The following USP32 variants were observed in gnomAD, a reference collection of about 807,000 sequenced individuals.
USP32 encodes the protein ubiquitin specific peptidase 32.
In USP32, 59 loss-of-function variants were observed where a neutral mutation model predicts 204.8. That is an observed-to-expected ratio of 0.29 (90% CI 0.23 to 0.36). The LOEUF is 0.36. Among genes scored for constraint, USP32 ranks in the 10% least tolerant of loss-of-function variants. The pLI, the probability that USP32 is intolerant of heterozygous loss-of-function variation, is 1.00. For missense variants in USP32, 1,160 were observed against 1,946.4 expected, an observed-to-expected ratio of 0.60 and a Z score of 7.60; for synonymous variants, 517 against 678.4, an observed-to-expected ratio of 0.76 and a Z score of 3.70.
upstream of USP32, among the ~76,000 whole-genome samples, chr17:60,395,164 C>T (rs544659870): frequency 5.8e-4 from 88 of 152,278 alleles, 1 homozygote; most frequent in Non-Finnish European, 1.0e-3. Flanking sequence ...GACTGAAACA[C>T]GACTGTAGCT....
chr17:60,198,349 C>A lies in USP32; in HGVS notation c.3345G>T (p.Lys1115Asn). The stretch of plus-strand genomic sequence containing the variant: ...TCCAAACCGCATCATATAGGTCTTT[C>A]TTCCGGGTATGCACAGTACATGGAA... ...LIVPCTVHTR[K>N]KDLYDAVWIQ... Residue 1115 changes from lysine to asparagine, a missense_variant, in exon 27 of 34, where the codon AAG becomes AAT. Around this residue, in one of 8 missense-constraint regions of USP32, gnomAD observed 160 missense variants for 322.5 expected, o/e 0.50. Coordinates refer to ENST00000300896, the MANE Select transcript of USP32 (RefSeq NM_032582.4). 1 of 1,614,180 alleles carries A rather than the reference C, an allele frequency of 6.2e-7. No individual in the cohort carries two copies. Among genetic ancestry groups the A allele is most frequent in the South Asian group, 1.1e-5 (1 of 91,080 alleles).
intron 6 of USP32, among the ~76,000 whole-genome samples, chr17:60,270,823 C>CAAAA (rs56653936): frequency 1.6e-5 from 1 of 63,544 alleles, no homozygotes; most frequent in African/African-American, 5.1e-5. Context: ...AACTCTGCCT[C>CAAAA]AAAAAAAAAA....
intron 27 of USP32, among the ~76,000 whole-genome samples, chr17:60,194,190 C>T (rs747494849): frequency 2.0e-5 from 3 of 151,954 alleles, no homozygotes; most frequent in East Asian, 1.9e-4. Context: ...ATTACAGGCA[C>T]GCAACACCAT....
At chr17:60,380,182 G>T (rs544140344) in intron 1 of USP32, among the ~76,000 whole-genome samples, 22 of 152,242 alleles carry the variant, frequency 1.4e-4, no homozygotes, top group African/African-American at 4.8e-4. Flanking sequence ...CCAACACATT[G>T]TACAATACAA....
chr17:60,255,043 T>G, intron 10 of USP32, 132 bp downstream of exon 10: 2 of 602,172 alleles, frequency 3.3e-6, no homozygotes, highest in Non-Finnish European at 5.5e-6. Flanking sequence ...ACGAGTAATG[T>G]AGTTCTTTTT....
chr17:60,321,878 T>A (rs1048985491), intron 2 of USP32, among the ~76,000 whole-genome samples: 1 of 152,144 alleles, frequency 6.6e-6, no homozygotes, highest in Admixed American at 6.5e-5. Flanking sequence ...TGGCTTTTTT[T>A]TTTTTTTAGC....
intron 1 of USP32, among the ~76,000 whole-genome samples, chr17:60,356,537 T>G (rs1022437246): frequency 1.3e-5 from 2 of 152,208 alleles, no homozygotes; most frequent in Non-Finnish European, 2.9e-5. Flanking sequence ...GTTCAAGGCA[T>G]TTTTAAAAGT....
chr17:60,264,248 AGTG>A (rs1276774184), intron 9 of USP32, among the ~76,000 whole-genome samples: 1 of 151,918 alleles, frequency 6.6e-6, no homozygotes, highest in African/African-American at 2.4e-5. Flanking sequence ...AGGCCAGCAC[AGTG>A]GCTCATACCT....
chr17:60,325,537 A>G (rs1001538560), intron 2 of USP32, among the ~76,000 whole-genome samples: 5 of 152,180 alleles, frequency 3.3e-5, no homozygotes, highest in Non-Finnish European at 5.9e-5. Flanking sequence ...TTGTGATATA[A>G]TTTCACTGGA....
chr17:60,192,957 G>T (rs755197740), intron 27 of USP32, 27 bp from the exon 28 acceptor site: 1 of 1,611,506 alleles, frequency 6.2e-7, no homozygotes, highest in Non-Finnish European at 8.5e-7. Flanking sequence ...CAAAAAGAGT[G>T]TAAGAAGCAT....
intron 1 of USP32, among the ~76,000 whole-genome samples, chr17:60,412,548 A>G (rs2090026899): frequency 6.6e-6 from 1 of 151,904 alleles, no homozygotes; most frequent in South Asian, 2.1e-4. Context: ...AAAAAAAAAA[A>G]AAATAGTGAT....
intron 1 of USP32, among the ~76,000 whole-genome samples, chr17:60,372,046 G>GTA (rs2146089209): frequency 6.6e-6 from 1 of 152,304 alleles, no homozygotes; most frequent in East Asian, 1.9e-4. Flanking sequence ...GTAGGATTAA[G>GTA]TAACAGGGAG....
At chr17:60,373,960 G>GT (rs1285768442) in intron 1 of USP32, among the ~76,000 whole-genome samples, 2 of 151,974 alleles carry the variant, frequency 1.3e-5, no homozygotes, top group East Asian at 1.9e-4. Flanking sequence ...CGAGGTGGGC[G>GT]TATCACCTGA....
At chr17:60,414,316 TCA>T (rs2090043174) in intron 1 of USP32, among the ~76,000 whole-genome samples, 1 of 149,632 alleles carries the variant, frequency 6.7e-6, no homozygotes, top group African/African-American at 2.5e-5. Flanking sequence ...TGAGCTGAGA[TCA>T]TGCCACTGCA....
chr17:60,184,728 T>C (rs1053722214), intron 30 of USP32, among the ~76,000 whole-genome samples: 2 of 149,938 alleles, frequency 1.3e-5, no homozygotes, highest in African/African-American at 4.9e-5. Context: ...GAGAATCACT[T>C]GAGCCCGAGA....
intron 9 of USP32, 69 bp from the exon 10 acceptor site, chr17:60,255,327 T>G: frequency 3.1e-6 from 4 of 1,273,224 alleles, no homozygotes; most frequent in Non-Finnish European, 4.3e-6. Flanking sequence ...AGACGGAGTC[T>G]CATACTGTTG....
At chr17:60,329,565 T>C (rs2088328220) in intron 2 of USP32, among the ~76,000 whole-genome samples, 1 of 151,956 alleles carries the variant, frequency 6.6e-6, no homozygotes, top group African/African-American at 2.4e-5. Context: ...CACTTCAGCC[T>C]CCCAAAGTGC....
rs973658394 is a variant in USP32, at chr17:60,211,925, C to A, written c.2179+99G>T. 6.9e-5 allele frequency: 74 copies of A among 1,075,706 alleles called. No homozygotes were observed. The African/African-American group carries it at 9.2e-4, about 13-fold the overall frequency. The allele number at this position is 1,075,706 out of a possible 1,614,324, so 66.6% of individuals were successfully genotyped here. A position where few individuals can be genotyped will look rare whatever the true frequency, so the allele number is the denominator to read the frequency against. On this transcript the variant is annotated intron_variant, in intron 19 of 33. Coordinates refer to ENST00000300896, the MANE Select transcript of USP32 (RefSeq NM_032582.4). ...GAAGAAGGCCCTAATTACTTTTGAACTAGAAAACCAAAAGTTGTTAGCACT... is the reference window on the plus strand; with the variant it reads ...GAAGAAGGCCCTAATTACTTTTGAAATAGAAAACCAAAAGTTGTTAGCACT...
intron 1 of USP32, among the ~76,000 whole-genome samples, chr17:60,372,340 T>C (rs529998887): frequency 1.5e-4 from 23 of 152,322 alleles, no homozygotes; most frequent in African/African-American, 5.1e-4. Context: ...TTCATCATTG[T>C]GCAGACATCA....
Sources: allele counts gnomAD v4.1 joint callset (sites outside exome capture counted in the v4.1 genomes callset), GRCh38; gene constraint gnomAD v4.1.1; regional missense constraint gnomAD v4.1.1; transcripts MANE v1.5; gene names NCBI Gene and HGNC (gene_info 2026-07-23, HGNC 2026-07-21).